LRP1B: variants seen among roughly 807,000 people sequenced by gnomAD.
The protein encoded by LRP1B is LDL receptor related protein 1B, also known as low-density lipoprotein receptor-related protein 1B.
A neutral mutation model predicts 556.6 loss-of-function variants in LRP1B; 217 were observed. The observed-to-expected ratio is 0.39, with a 90% CI of 0.35 to 0.44. The LOEUF is 0.44. Among genes scored for constraint, LRP1B ranks in the 20% least tolerant of loss-of-function variants. LRP1B has a pLI of 1.00. For missense variants in LRP1B, 5,053 were observed against 5,620.8 expected, an observed-to-expected ratio of 0.90 and a Z score of 3.23; for synonymous variants, 2,047 against 1,865.8, an observed-to-expected ratio of 1.10 and a Z score of -2.50.
intron 41 of LRP1B, among the ~76,000 whole-genome samples, chr2:140,641,694 C>G (rs1484102056): frequency 1.3e-5 from 2 of 152,158 alleles, no homozygotes; most frequent in Non-Finnish European, 2.9e-5. Context: ...TGAGGTGAGG[C>G]ATAAAATATT....
rs72991005 is a variant in LRP1B, at chr2:141,492,067, A to C, written c.206-11534T>G. 4.6e-3 allele frequency among the ~76,000 whole-genome samples: 454 copies of C among 98,314 alleles called. 3 individuals are homozygous for C. Among genetic ancestry groups the C allele is most frequent in the African/African-American group, 0.013 (427 of 32,346 alleles). The allele number at this position is 98,314 out of a possible 152,430, so 64.5% of individuals were successfully genotyped here. ...ATTATCAAAGTCCTTGAAAGTCACT[A>C]TTTAGCTTTCTGAAAAAAAAAAAAC... On this transcript the variant is annotated intron_variant, in intron 2 of 90. Coordinates refer to ENST00000389484, the MANE Select transcript of LRP1B (RefSeq NM_018557.3).
At chr2:141,025,609 G>C (rs1698195727) in intron 11 of LRP1B, among the ~76,000 whole-genome samples, 1 of 152,048 alleles carries the variant, frequency 6.6e-6, no homozygotes, top group Admixed American at 6.6e-5. Context: ...CCTCCAGACT[G>C]TCTTTGAACT....
chr2:140,452,416 T>C (rs1040525188), intron 62 of LRP1B, among the ~76,000 whole-genome samples: 1 of 152,148 alleles, frequency 6.6e-6, no homozygotes, highest in African/African-American at 2.4e-5. Flanking sequence ...ATATAACGTT[T>C]AGTCAATTTC....
intron 1 of LRP1B, among the ~76,000 whole-genome samples, chr2:141,811,731 T>A (rs887190311): frequency 5.3e-5 from 8 of 152,076 alleles, no homozygotes; most frequent in African/African-American, 1.9e-4. Context: ...CTGTCATAAT[T>A]ATTTTTCACA....
intron 18 of LRP1B, among the ~76,000 whole-genome samples, chr2:140,964,102 T>C (rs978342059): frequency 4.6e-5 from 6 of 129,448 alleles, no homozygotes; most frequent in African/African-American, 1.7e-4. Flanking sequence ...ACATGTCCAC[T>C]GGACAGGGGG....
At chr2:141,838,722 A>C (rs1392822863) in intron 1 of LRP1B, among the ~76,000 whole-genome samples, 2 of 152,212 alleles carry the variant, frequency 1.3e-5, no homozygotes, top group Non-Finnish European at 2.9e-5. Flanking sequence ...TAGAGAAAGT[A>C]TATTTCTAGG....
intron 2 of LRP1B, among the ~76,000 whole-genome samples, chr2:141,654,387 G>A (rs1381730287): frequency 6.6e-6 from 1 of 152,136 alleles, no homozygotes; most frequent in African/African-American, 2.4e-5. Context: ...GGGCTCCTTT[G>A]GTTGAATGGT....
At chr2:141,616,288 TA>T (rs11349855) in intron 2 of LRP1B, among the ~76,000 whole-genome samples, 33,414 of 137,344 alleles carry the variant, frequency 0.24, 4,491 homozygotes, top group African/African-American at 0.4. Context: ...CTCAAGAAAA[TA>T]AAAAAAAAAA....
chr2:141,480,362 T>C (rs1682872819), intron 3 of LRP1B, 34 bp downstream of exon 3: 1 of 1,611,778 alleles, frequency 6.2e-7, no homozygotes, highest in African/African-American at 1.3e-5. Context: ...TAAAATTTAA[T>C]ATTTCAGTTG....
At chr2:141,493,482 A>G (rs1181783056) in intron 2 of LRP1B, among the ~76,000 whole-genome samples, 2 of 152,154 alleles carry the variant, frequency 1.3e-5, no homozygotes, top group Admixed American at 6.6e-5. Flanking sequence ...GCTTTTACCA[A>G]CAGCCATAAA....
intron 5 of LRP1B, among the ~76,000 whole-genome samples, chr2:141,241,057 T>C (rs1683852127): frequency 1.3e-5 from 2 of 152,002 alleles, no homozygotes; most frequent in Admixed American, 6.6e-5. Context: ...CATAGAATAT[T>C]CATGAGGAGA....
intron 3 of LRP1B, among the ~76,000 whole-genome samples, chr2:141,305,774 G>A (rs1158319304): frequency 6.6e-6 from 1 of 152,122 alleles, no homozygotes; most frequent in Non-Finnish European, 1.5e-5. Context: ...TCTATGCCTA[G>A]CTTGTTGAGA....
At chr2:141,814,896 G>A (rs1276370846) in intron 1 of LRP1B, among the ~76,000 whole-genome samples, 1 of 152,124 alleles carries the variant, frequency 6.6e-6, no homozygotes, top group East Asian at 1.9e-4. Flanking sequence ...AGGCAAAGAG[G>A]TAAGAGCAGG....
chr2:140,610,664 C>T (rs1181483843), intron 41 of LRP1B, among the ~76,000 whole-genome samples: 1 of 152,206 alleles, frequency 6.6e-6, no homozygotes, highest in African/African-American at 2.4e-5. Context: ...TGGCTCACTG[C>T]AAGCTCCACC....
At chr2:141,661,994 C>T (rs975077779) in intron 2 of LRP1B, among the ~76,000 whole-genome samples, 1 of 152,156 alleles carries the variant, frequency 6.6e-6, no homozygotes, top group Non-Finnish European at 1.5e-5. Context: ...CAGCAGAAAC[C>T]CTACAAGGCA....
chr2:140,291,889 T>A (rs1193649573), intron 84 of LRP1B, among the ~76,000 whole-genome samples: 1 of 152,138 alleles, frequency 6.6e-6, no homozygotes, highest in Non-Finnish European at 1.5e-5. Flanking sequence ...CACCACACTG[T>A]CTTCCACAAT....
At position 140,665,912 on chromosome 2, in the gene LRP1B, G is replaced by C. The variant is rs114176365; in HGVS notation, c.6799+34338C>G. On this transcript the variant is annotated intron_variant, in intron 41 of 90. Coordinates refer to ENST00000389484, the MANE Select transcript of LRP1B (RefSeq NM_018557.3). ...TTTAAACAGATATTTTTTTCCTTAAGTCTTAGAGATTCCCACTTTATATAC... is the reference window on the plus strand; with the variant it reads ...TTTAAACAGATATTTTTTTCCTTAACTCTTAGAGATTCCCACTTTATATAC... 2.4e-3 allele frequency among the ~76,000 whole-genome samples: 366 copies of C among 151,232 alleles called. 2 individuals carry two copies. Among genetic ancestry groups the C allele is most frequent in the African/African-American group, 8.6e-3 (353 of 41,206 alleles).
intron 59 of LRP1B, among the ~76,000 whole-genome samples, chr2:140,477,328 G>T (rs1285331658): frequency 6.6e-6 from 1 of 151,824 alleles, no homozygotes; most frequent in Non-Finnish European, 1.5e-5. Context: ...AAATTTATTT[G>T]TGCTTCTATA....
chr2:140,939,885 A>ATTTTTT (rs3063651), intron 20 of LRP1B, among the ~76,000 whole-genome samples: 3 of 132,636 alleles, frequency 2.3e-5, no homozygotes, highest in Middle Eastern at 4.3e-3. Context: ...ATTTGGTGTA[A>ATTTTTT]TTTTTTTTTT....
Sources: allele counts gnomAD v4.1 joint callset (sites outside exome capture counted in the v4.1 genomes callset), GRCh38; gene constraint gnomAD v4.1.1; transcripts MANE v1.5; gene names NCBI Gene and HGNC (gene_info 2026-07-23, HGNC 2026-07-21).